Variants in TOMM40 observed in about 807,000 individuals in gnomAD.
The protein encoded by TOMM40 is mitochondrial import receptor subunit TOM40 homolog.
A neutral mutation model predicts 38.4 loss-of-function variants in TOMM40; 9 were observed. The ratio of observed to expected loss-of-function variants is 0.23; its 90% CI spans 0.14 to 0.41. TOMM40 has a LOEUF of 0.41. TOMM40 is among the 10% of genes least tolerant of loss of function. The pLI, the probability that TOMM40 is intolerant of heterozygous loss-of-function variation, is 1.00. For synonymous variants in TOMM40, 184 were observed against 210.0 expected (o/e 0.88, Z 1.07); for missense variants, 299 against 486.5 (o/e 0.61, Z 3.63).
At position 44,903,103 on chromosome 19, in the gene TOMM40, C is replaced by T. The variant is rs375596094; in HGVS notation, c.1020C>T (p.Ala340=). The change falls in exon 9 of 9, where the codon GCC becomes GCT. Residue 340 remains alanine, a synonymous_variant. Coordinates refer to ENST00000426677, the MANE Select transcript of TOMM40 (RefSeq NM_001128917.2). ...KKLPPLPLTL[A]LGAFLNHRKN... is the part of the protein sequence containing the mutation. Reference sequence around the variant, plus strand: ...TCCCACCCCTGCCCCTGACACTGGCCCTTGGGGCCTTCCTGAATCACCGCA... The same window carrying T: ...TCCCACCCCTGCCCCTGACACTGGCTCTTGGGGCCTTCCTGAATCACCGCA... The T allele has an allele frequency of 3.1e-5, 50 of 1,612,480 alleles. No homozygotes were observed. The highest frequency in any genetic ancestry group is 4.0e-5 in the African/African-American group (3 of 74,882).
chr19:44,894,171 C>G, intron 5 of TOMM40, 105 bp downstream of exon 5: 1 of 836,172 alleles, frequency 1.2e-6, no homozygotes, highest in Non-Finnish European at 1.8e-6. Context: ...GGAGAAGTGG[C>G]TCAGCAGGAG....
intron 8 of TOMM40, chr19:44,902,778 G>C (rs540356973): frequency 3.8e-4 from 165 of 429,382 alleles, no homozygotes; most frequent in African/African-American, 3.2e-3. Flanking sequence ...GAGTGGGCAG[G>C]ACTAGGTTGG....
rs1969664822 is a variant in TOMM40 at position 44,900,806 on chromosome 19, G to T, written c.720G>T (p.Arg240=). 1.2e-6 allele frequency: 2 copies of T among 1,614,032 alleles called. No individual in the cohort carries two copies. The highest frequency in any genetic ancestry group is 8.5e-7 in the Non-Finnish European group (1 of 1,180,024). The change falls in exon 6 of 9, where the codon CGG becomes CGT. Residue 240 remains arginine, a synonymous_variant. Transcript: ENST00000426677. ...GTGGAGAGCTGGTCTACCACCGGCG[G>T]CCTGGAGAGGAGGGCACTGTCATGT... The part of the protein sequence containing the change: ...ALGGELVYHR[R]PGEEGTVMSL...
chr19:44,891,705 C>G lies in TOMM40; in HGVS notation c.274+16C>G. The G allele has an allele frequency of 6.9e-7, 1 of 1,440,180 alleles. No individual in the cohort carries two copies. Among genetic ancestry groups the G allele is most frequent in the Non-Finnish European group, 9.1e-7 (1 of 1,100,088 alleles). The allele number at this position is 1,440,180 out of a possible 1,614,324, so 89.2% of individuals were successfully genotyped here. A position where few individuals can be genotyped will look rare whatever the true frequency, so the allele number is the denominator to read the frequency against. ...AAGTGCAAGGGTGAGGGGCGAGGGGCCCCCGCTGGGCTGCGATGGCCTGGA... is the reference window on the plus strand; with the variant it reads ...AAGTGCAAGGGTGAGGGGCGAGGGGGCCCCGCTGGGCTGCGATGGCCTGGA... On this transcript the variant is annotated intron_variant, in intron 1 of 8. Transcript: ENST00000426677.
At chr19:44,901,465 G>C in intron 8 of TOMM40, 155 bp downstream of exon 8, 3 of 1,468,018 alleles carry the variant, frequency 2.0e-6, no homozygotes, top group Middle Eastern at 1.9e-4. Context: ...AGGTGGGGCC[G>C]GGTGCGGTGG....
intron 1 of TOMM40, 140 bp from the exon 2 acceptor site, chr19:44,892,253 T>C (rs1200845269): frequency 1.2e-6 from 1 of 842,170 alleles, no homozygotes; most frequent in African/African-American, 1.7e-5. Flanking sequence ...CTAACTAGGC[T>C]GTACTGCCTC....
At chr19:44,892,605 C>G in intron 2 of TOMM40, 145 bp downstream of exon 2, 2 of 845,548 alleles carry the variant, frequency 2.4e-6, no homozygotes, top group Non-Finnish European at 1.9e-6. Context: ...GCCAGACTGA[C>G]TACTCAGTTT....
intron 5 of TOMM40, among the ~76,000 whole-genome samples, chr19:44,894,589 C>T (rs1009668205): frequency 1.7e-4 from 26 of 151,996 alleles, no homozygotes; most frequent in African/African-American, 5.8e-4. Flanking sequence ...CTGAGATTTT[C>T]TTTTGTATTA....
chr19:44,893,929 G>A (rs2122746259), intron 4 of TOMM40, 32 bp from the exon 5 acceptor site: 1 of 1,601,078 alleles, frequency 6.2e-7, no homozygotes, highest in African/African-American at 1.3e-5. Flanking sequence ...CCGTGAGCAG[G>A]GAGCCGCCCT....
At chr19:44,899,791 C>CTTTTTTTTTTTTTTT (rs10524523) in intron 5 of TOMM40, among the ~76,000 whole-genome samples, 5 of 90,990 alleles carry the variant, frequency 5.5e-5, no homozygotes, top group African/African-American at 1.5e-4. Flanking sequence ...TTGCATCTGG[C>CTTTTTTTTTTTTTTT]TTTTTTTTTT....
chr19:44,900,217 C>T (rs1362989438), intron 5 of TOMM40, among the ~76,000 whole-genome samples: 2 of 152,174 alleles, frequency 1.3e-5, no homozygotes, highest in Non-Finnish European at 2.9e-5. Flanking sequence ...CTCACAACCC[C>T]AAGAGGCAGT....
intron 1 of TOMM40, 138 bp downstream of exon 1, chr19:44,891,827 G>T: frequency 1.0e-6 from 1 of 955,576 alleles, no homozygotes; most frequent in Non-Finnish European, 1.4e-6. Context: ...GGATCGAATG[G>T]TGGAACGTTG....
chr19:44,899,289 A>G lies in TOMM40; in HGVS notation c.644-1441A>G, dbSNP rs140918487. Among the ~76,000 whole-genome samples the G allele has an allele frequency of 3.1e-3, 478 of 151,788 alleles. 5 individuals carry two copies. Among genetic ancestry groups the G allele is most frequent in the African/African-American group, 0.011 (436 of 41,378 alleles). ...AGCCTCCCAAGTAGCTGGGACTATA[A>G]GCATGTGCCATCATGCCTGGCTACG... On this transcript the variant is annotated intron_variant, in intron 5 of 8. Transcript: ENST00000426677.
chr19:44,893,911 C>G, intron 4 of TOMM40, 30 bp downstream of exon 4: 1 of 1,608,572 alleles, frequency 6.2e-7, no homozygotes, highest in Non-Finnish European at 8.5e-7. Flanking sequence ...TGCTGCTCCC[C>G]TCGGCCACCG....
rs35647923 is a variant in TOMM40, at chr19:44,894,261, C to CTTTTTTTTTT, written c.643+204_643+213dup. Among the ~76,000 whole-genome samples, 2 of 133,632 alleles carry CTTTTTTTTTT rather than the reference C, an allele frequency of 1.5e-5. 1 individual carries two copies. Among genetic ancestry groups the CTTTTTTTTTT allele is most frequent in the Non-Finnish European group, 3.1e-5 (2 of 63,562 alleles). 87.7% of individuals were successfully genotyped at this position (133,632 alleles called of 152,430 possible). On this transcript the variant is annotated intron_variant, in intron 5 of 8. Transcript: ENST00000426677. Reference sequence around the variant, plus strand: ...CCATGAGTGGGTGAGTCAGAGCAGTCTTTTTTTTTTTTTTTTTTGAGATGG... The same window carrying CTTTTTTTTTT: ...CCATGAGTGGGTGAGTCAGAGCAGTCTTTTTTTTTTTTTTTTTTTTTTTTTTTTGAGATGG...
chr19:44,899,977 C>T (rs185503044), intron 5 of TOMM40, among the ~76,000 whole-genome samples: 1 of 151,992 alleles, frequency 6.6e-6, no homozygotes, highest in East Asian at 1.9e-4. Context: ...CTCTATTTCC[C>T]ACTCTCTTCC....
intron 5 of TOMM40, among the ~76,000 whole-genome samples, chr19:44,897,432 TTTTTC>T (rs1969586408): frequency 6.6e-6 from 1 of 152,046 alleles, no homozygotes; most frequent in Non-Finnish European, 1.5e-5. Flanking sequence ...AGTGATTTTT[TTTTTC>T]TTTTCTTCCC....
Position 44,900,849 on chromosome 19 carries a change from A to G in TOMM40, c.763A>G (p.Thr255Ala). 24 of 1,613,874 alleles carry G rather than the reference A, an allele frequency of 1.5e-5. No individual in the cohort carries two copies. Among genetic ancestry groups the G allele is most frequent in the Non-Finnish European group, 2.0e-5 (24 of 1,179,872 alleles). ...TGTCATGTCTCTAGCTGGGAAATAC[A>G]CATGTGAGCCTGGCGCCTGGGTCCG... ...GTVMSLAGKY[T>A]LNNWLATVTL... Residue 255 changes from threonine (T) to alanine (A), a missense_variant, in exon 6 of 9, where the codon ACA becomes GCA. Transcript: ENST00000426677.
Position 44,893,942 on chromosome 19 carries a change from C to G in TOMM40, c.538-19C>G. On this transcript the variant is annotated intron_variant, in intron 4 of 8. Transcript: ENST00000426677. ...CACCGTGAGCAGGGAGCCGCCCTCACACCCCCTCCTCTCCACAGACCCAGC... is the reference window on the plus strand; with the variant it reads ...CACCGTGAGCAGGGAGCCGCCCTCAGACCCCCTCCTCTCCACAGACCCAGC... 6.3e-7 allele frequency: 1 copy of G among 1,593,764 alleles called. No individual in the cohort carries two copies. Among genetic ancestry groups the G allele is most frequent in the Non-Finnish European group, 8.6e-7 (1 of 1,168,666 alleles).
Sources: allele counts gnomAD v4.1 joint callset (sites outside exome capture counted in the v4.1 genomes callset), GRCh38; gene constraint gnomAD v4.1.1; transcripts MANE v1.5; gene names NCBI Gene and HGNC (gene_info 2026-07-23, HGNC 2026-07-21).